The following MAML2 variants were observed in gnomAD, a reference collection of about 807,000 sequenced individuals.
The protein encoded by MAML2 is mastermind-like protein 2.
MAML2 carries 22 observed loss-of-function variants against 96.1 expected under a neutral mutation model. That is an observed-to-expected ratio of 0.23 (90% CI 0.16 to 0.33). The LOEUF (loss-of-function observed/expected upper bound fraction) is 0.33. Among genes scored for constraint, MAML2 ranks in the 10% least tolerant of loss-of-function variants. The probability of loss-of-function intolerance (pLI) is 1.00; values close to 1 mark genes in which losing one functional copy is unlikely to be tolerated. For missense variants in MAML2, 1,367 were observed against 1,392.4 expected (o/e 0.98, Z 0.29); for synonymous variants, 561 against 521.3 (o/e 1.08, Z -1.04).
chr11:96,220,359 T>A (rs1031234196), intron 1 of MAML2, among the ~76,000 whole-genome samples: 2 of 152,182 alleles, frequency 1.3e-5, no homozygotes, highest in South Asian at 2.1e-4. Context: ...CAGGAAAATT[T>A]CAACTGCCTT....
At chr11:96,289,282 T>C (rs967562106) in intron 1 of MAML2, among the ~76,000 whole-genome samples, 23 of 152,214 alleles carry the variant, frequency 1.5e-4, no homozygotes, top group African/African-American at 5.1e-4. Flanking sequence ...AACTCTTCAG[T>C]CTATATAGTC....
At chr11:95,993,441 C>A (rs973928769) in intron 2 of MAML2, among the ~76,000 whole-genome samples, 8 of 152,058 alleles carry the variant, frequency 5.3e-5, no homozygotes, top group African/African-American at 1.7e-4. Flanking sequence ...GTGGCACATG[C>A]CTGTAATCCC....
intron 4 of MAML2, among the ~76,000 whole-genome samples, chr11:95,983,648 C>A (rs185209965): frequency 6.6e-6 from 1 of 152,072 alleles, no homozygotes; most frequent in Admixed American, 6.6e-5. Flanking sequence ...TTACATACAT[C>A]AAAATATCCT....
In MAML2 at chr11:96,328,736, CT is replaced by C. The variant is rs1305274635; in HGVS notation, c.513+12646del. Among the ~76,000 whole-genome samples the C allele has an allele frequency of 2.6e-5, 4 of 152,050 alleles. No individual in the cohort carries two copies. In the East Asian group the frequency reaches 7.7e-4, roughly 29 times the overall value. On this transcript the variant is annotated intron_variant, in intron 1 of 4. Transcript: ENST00000524717. ...TCCCATGCATTTCTTTTTTCCAGTT[CT>C]ATTAAATCCCTAAACAGAGCTGAGT...
At chr11:96,316,945 C>T (rs1763551221) in intron 1 of MAML2, among the ~76,000 whole-genome samples, 1 of 152,180 alleles carries the variant, frequency 6.6e-6, no homozygotes, top group East Asian at 1.9e-4. Flanking sequence ...TGGACTCCTC[C>T]TCTGCTGTTG....
intron 1 of MAML2, among the ~76,000 whole-genome samples, chr11:96,246,120 G>C (rs1450703347): frequency 6.6e-6 from 1 of 152,124 alleles, no homozygotes; most frequent in Non-Finnish European, 1.5e-5. Flanking sequence ...GCTGGAAAGA[G>C]TTACAGACTT....
intron 1 of MAML2, among the ~76,000 whole-genome samples, chr11:96,163,681 T>A (rs17810194): frequency 0.032 from 4,884 of 152,292 alleles, 115 homozygotes; most frequent in Non-Finnish European, 0.049. Context: ...ATCATTTTTA[T>A]CTGTAGGTTG....
In MAML2 at chr11:96,342,624, G is replaced by A; in HGVS notation, c.-729C>T. 1 of 390,208 alleles carries A rather than the reference G, an allele frequency of 2.6e-6. No homozygotes were observed. The highest frequency in any genetic ancestry group is 4.5e-6 in the Non-Finnish European group (1 of 221,366). 24.2% of individuals were successfully genotyped at this position (390,208 alleles called of 1,614,324 possible). A position where few individuals can be genotyped will look rare whatever the true frequency, so the allele number is the denominator to read the frequency against. ...TGTAGGATGTTGTCTTCTCCCAAAA[G>A]AGGGAGACAGCTTTTCAACTGTTAA... On this transcript the variant is annotated 5_prime_UTR_variant, in exon 1 of 5. Coordinates refer to ENST00000524717, the MANE Select transcript of MAML2 (RefSeq NM_032427.4).
chr11:96,234,677 ATGCACATACT>A (rs1862343274), intron 1 of MAML2, among the ~76,000 whole-genome samples: 1 of 152,182 alleles, frequency 6.6e-6, no homozygotes, highest in Non-Finnish European at 1.5e-5. Flanking sequence ...ACACATATGC[ATGCACATACT>A]TGCAAAATTA....
At chr11:96,245,389 C>G (rs764195268) in intron 1 of MAML2, among the ~76,000 whole-genome samples, 8 of 152,000 alleles carry the variant, frequency 5.3e-5, no homozygotes, top group Non-Finnish European at 1.0e-4. Flanking sequence ...TTTTGTTTCC[C>G]AAGTAAGAGC....
At chr11:96,014,594 A>C (rs1277318631) in intron 2 of MAML2, among the ~76,000 whole-genome samples, 1 of 152,244 alleles carries the variant, frequency 6.6e-6, no homozygotes, top group African/African-American at 2.4e-5. Flanking sequence ...TTCAACTTGT[A>C]GTAAAAAACT....
At chr11:96,292,351 T>A (rs1426476172) in intron 1 of MAML2, among the ~76,000 whole-genome samples, 2 of 152,178 alleles carry the variant, frequency 1.3e-5, no homozygotes, top group Non-Finnish European at 2.9e-5. Flanking sequence ...GGGAAGGAAA[T>A]GAATTTTTAT....
chr11:96,088,716 C>A (rs1405080329), intron 2 of MAML2, among the ~76,000 whole-genome samples: 2 of 152,108 alleles, frequency 1.3e-5, no homozygotes, highest in African/African-American at 4.8e-5. Context: ...AAACATGGAG[C>A]AATAAGGATT....
intron 1 of MAML2, among the ~76,000 whole-genome samples, chr11:96,146,481 G>T (rs1237193721): frequency 1.3e-5 from 2 of 152,216 alleles, no homozygotes; most frequent in Non-Finnish European, 2.9e-5. Flanking sequence ...AAAGGGCTGA[G>T]TCCAAATCTA....
chr11:96,198,547 G>C (rs1417122936), intron 1 of MAML2, among the ~76,000 whole-genome samples: 1 of 152,078 alleles, frequency 6.6e-6, no homozygotes, highest in African/African-American at 2.4e-5. Flanking sequence ...AACCATTCTG[G>C]TAATTTACTC....
At chr11:96,010,956 T>G (rs1041522674) in intron 2 of MAML2, among the ~76,000 whole-genome samples, 2 of 152,230 alleles carry the variant, frequency 1.3e-5, no homozygotes, top group Non-Finnish European at 2.9e-5. Context: ...AAAATACTGT[T>G]TTTTTCCTCC....
At chr11:96,125,871 T>C (rs1394168322) in intron 1 of MAML2, among the ~76,000 whole-genome samples, 1 of 152,216 alleles carries the variant, frequency 6.6e-6, no homozygotes. Flanking sequence ...AAGCGTTCTT[T>C]ATGGGACATT....
chr11:96,167,759 C>T (rs1035954695), intron 1 of MAML2, among the ~76,000 whole-genome samples: 2 of 152,188 alleles, frequency 1.3e-5, no homozygotes, highest in Admixed American at 1.3e-4. Context: ...ATTTTGAGCA[C>T]CTAATATTTG....
chr11:96,219,993 G>A (rs763023964), intron 1 of MAML2, among the ~76,000 whole-genome samples: 3 of 152,184 alleles, frequency 2.0e-5, no homozygotes, highest in Non-Finnish European at 4.4e-5. Context: ...ATGAGTTGAT[G>A]CATGTATAGT....
Sources: gnomAD v4.1 joint callset for allele counts (sites outside exome capture counted in the v4.1 genomes callset) on GRCh38, gnomAD v4.1.1 for gene constraint, MANE v1.5 for transcripts, NCBI Gene and HGNC (gene_info 2026-07-23, HGNC 2026-07-21) for gene names.